The following TAFA1 variants were observed in gnomAD, a reference collection of about 807,000 sequenced individuals.
The protein encoded by TAFA1 is chemokine-like protein TAFA-1.
Under a neutral mutation model 18.5 loss-of-function variants are expected in TAFA1, and 4 were observed. The observed-to-expected ratio is 0.22, with a 90% confidence interval of 0.11 to 0.49. TAFA1 has a LOEUF of 0.49. TAFA1 is among the 20% of genes least tolerant of loss of function. The pLI is 0.98. For synonymous variants in TAFA1, 56 were observed against 55.2 expected, an observed-to-expected ratio of 1.01 and a Z score of -0.06; for missense variants, 147 against 169.0, an observed-to-expected ratio of 0.87 and a Z score of 0.72.
chr3:68,543,023 A>C (rs1483456931), intron 4 of TAFA1, among the ~76,000 whole-genome samples: 1 of 152,176 alleles, frequency 6.6e-6, no homozygotes, highest in Non-Finnish European at 1.5e-5. Context: ...GTTTTAGGAT[A>C]AAGATCTGGG....
At chr3:68,362,772 G>A (rs1398808068) in intron 2 of TAFA1, among the ~76,000 whole-genome samples, 1 of 152,006 alleles carries the variant, frequency 6.6e-6, no homozygotes, top group African/African-American at 2.4e-5. Flanking sequence ...GTTGGTGGAT[G>A]ATATCACTCA....
At chr3:68,476,784 G>T (rs1204716165) in intron 3 of TAFA1, among the ~76,000 whole-genome samples, 1 of 152,030 alleles carries the variant, frequency 6.6e-6, no homozygotes, top group African/African-American at 2.4e-5. Flanking sequence ...TTTGTAACCA[G>T]AAAATTTTTA....
chr3:68,420,159 T>C (rs1009614420), intron 3 of TAFA1, among the ~76,000 whole-genome samples: 1 of 152,200 alleles, frequency 6.6e-6, no homozygotes, highest in African/African-American at 2.4e-5. Context: ...TTGGCCCAGC[T>C]TAGGCCAGTG....
At chr3:68,454,759 G>A (rs894307450) in intron 3 of TAFA1, among the ~76,000 whole-genome samples, 2 of 152,138 alleles carry the variant, frequency 1.3e-5, no homozygotes, top group African/African-American at 4.8e-5. Context: ...TACCAAAAAT[G>A]TTCACTTAAA....
At chr3:68,120,233 CTTT>C (rs2065380143) in intron 2 of TAFA1, among the ~76,000 whole-genome samples, 1 of 113,198 alleles carries the variant, frequency 8.8e-6, no homozygotes, top group Non-Finnish European at 1.8e-5. Flanking sequence ...TTCTTTCTTT[CTTT>C]CTTTCTTTCT....
intron 2 of TAFA1, among the ~76,000 whole-genome samples, chr3:68,130,462 C>G (rs555025004): frequency 6.6e-6 from 1 of 152,254 alleles, no homozygotes; most frequent in African/African-American, 2.4e-5. Flanking sequence ...AGCAGTCTCC[C>G]AATTAGTTTC....
At chr3:68,286,662 AT>A in intron 2 of TAFA1, among the ~76,000 whole-genome samples, 1 of 152,308 alleles carries the variant, frequency 6.6e-6, no homozygotes, top group Admixed American at 6.5e-5. Flanking sequence ...AGTACCTGCT[AT>A]GTAGGCACTG....
chr3:68,260,964 A>G (rs1484716552), intron 2 of TAFA1, among the ~76,000 whole-genome samples: 1 of 152,192 alleles, frequency 6.6e-6, no homozygotes, highest in African/African-American at 2.4e-5. Flanking sequence ...AAAAGAAACT[A>G]ACGTCAGAGT....
At chr3:68,190,719 G>A (rs112216352) in intron 2 of TAFA1, among the ~76,000 whole-genome samples, 2 of 151,770 alleles carry the variant, frequency 1.3e-5, no homozygotes, top group Admixed American at 6.6e-5. Flanking sequence ...GGAGGAGTTT[G>A]TGAGAACAGA....
Position 68,461,377 on chromosome 3 carries a change from A to ATATATATATATATATATATATATATATG in TAFA1, c.259+43960_259+43961insATATATATATATATATATATATATGTAT, listed in dbSNP as rs1337466211. 8.6e-4 allele frequency among the ~76,000 whole-genome samples: 122 copies of ATATATATATATATATATATATATATATG among 141,974 alleles called. 1 individual carries two copies. Among genetic ancestry groups the ATATATATATATATATATATATATATATG allele is most frequent in the African/African-American group, 3.0e-3 (107 of 36,202 alleles). 93.1% of individuals were successfully genotyped at this position (141,974 alleles called of 152,430 possible). A position where few individuals can be genotyped will look rare whatever the true frequency, so the allele number is the denominator to read the frequency against. Reference sequence around the variant, plus strand: ...TGAAAGTGCATATATATATATATATATATGTATGTATGTATATATCCATCC... The same window carrying ATATATATATATATATATATATATATATG: ...TGAAAGTGCATATATATATATATATATATATATATATATATATATATATATATGTATGTATGTATGTATATATCCATCC... On this transcript the variant is annotated intron_variant, in intron 3 of 4. Coordinates refer to ENST00000478136, the MANE Select transcript of TAFA1 (RefSeq NM_213609.4).
intron 2 of TAFA1, among the ~76,000 whole-genome samples, chr3:68,244,687 T>G (rs1473505641): frequency 3.3e-5 from 5 of 152,180 alleles, no homozygotes; most frequent in Non-Finnish European, 7.3e-5. Flanking sequence ...GCATGATTTA[T>G]TTAAAGGTAC....
chr3:68,261,501 T>A (rs375108087), intron 2 of TAFA1, among the ~76,000 whole-genome samples: 2 of 152,076 alleles, frequency 1.3e-5, no homozygotes, highest in African/African-American at 4.8e-5. Flanking sequence ...AATAGCAAAG[T>A]CTTGGAACCA....
chr3:68,477,771 G>C (rs1044498635), intron 3 of TAFA1, among the ~76,000 whole-genome samples: 52 of 152,228 alleles, frequency 3.4e-4, no homozygotes, highest in African/African-American at 1.3e-3. Flanking sequence ...ATATTTTTCA[G>C]CTTTAGAAGA....
chr3:68,107,816 A>T (rs1448855863), intron 2 of TAFA1, among the ~76,000 whole-genome samples: 1 of 152,162 alleles, frequency 6.6e-6, no homozygotes, highest in African/African-American at 2.4e-5. Flanking sequence ...AAATTCAAAG[A>T]GCAAATGTCT....
chr3:68,530,574 T>C (rs1445582499), intron 3 of TAFA1, among the ~76,000 whole-genome samples: 1 of 152,186 alleles, frequency 6.6e-6, no homozygotes, highest in Admixed American at 6.6e-5. Flanking sequence ...AGATCTTCTT[T>C]CATAATCACT....
intron 2 of TAFA1, among the ~76,000 whole-genome samples, chr3:68,075,642 G>T (rs1326123733): frequency 2.6e-5 from 4 of 151,292 alleles, no homozygotes; most frequent in African/African-American, 7.3e-5. Context: ...TGAAGCCAAT[G>T]TCAAATGTCA....
intron 2 of TAFA1, among the ~76,000 whole-genome samples, chr3:68,025,681 C>T (rs1704799050): frequency 6.6e-6 from 1 of 152,164 alleles, no homozygotes; most frequent in Admixed American, 6.6e-5. Flanking sequence ...AGGCACACAT[C>T]TGTATTCATT....
At chr3:68,357,395 G>A (rs2069386687) in intron 2 of TAFA1, among the ~76,000 whole-genome samples, 1 of 151,848 alleles carries the variant, frequency 6.6e-6, no homozygotes, top group African/African-American at 2.4e-5. Flanking sequence ...AAAAAACTAG[G>A]ATTAATAGCA....
At chr3:68,230,043 T>A (rs1333178753) in intron 2 of TAFA1, among the ~76,000 whole-genome samples, 1 of 152,208 alleles carries the variant, frequency 6.6e-6, no homozygotes, top group Non-Finnish European at 1.5e-5. Flanking sequence ...AGCACAAGCA[T>A]GCAGTAAGTA....
Sources: gnomAD v4.1 joint callset for allele counts (sites outside exome capture counted in the v4.1 genomes callset) on GRCh38, gnomAD v4.1.1 for gene constraint, MANE v1.5 for transcripts, NCBI Gene and HGNC (gene_info 2026-07-23, HGNC 2026-07-21) for gene names.